The following MCTP2 variants were observed in gnomAD, a reference collection of about 807,000 sequenced individuals.
MCTP2 encodes multiple C2 and transmembrane domain-containing protein 2.
In MCTP2, 132 loss-of-function variants were observed where a neutral mutation model predicts 111.6. That is an observed-to-expected ratio of 1.18 (90% CI 1.03 to 1.37). MCTP2 has a LOEUF of 1.37. Among genes scored for constraint, MCTP2 ranks in the 40% most tolerant of loss-of-function variants. The probability of loss-of-function intolerance (pLI) is 0.00; values close to 1 mark genes in which losing one functional copy is unlikely to be tolerated. For missense variants in MCTP2, 1,183 were observed against 1,067.9 expected (o/e 1.11, Z -1.50); for synonymous variants, 395 against 387.7 (o/e 1.02, Z -0.22).
chr15:94,404,499 G>A (rs571653928), intron 17 of MCTP2, among the ~76,000 whole-genome samples: 10 of 151,798 alleles, frequency 6.6e-5, no homozygotes, highest in South Asian at 2.1e-4. Flanking sequence ...ACGGGGTTTC[G>A]TCATATTGGC....
At chr15:94,360,025 A>T (rs562945674) in intron 10 of MCTP2, among the ~76,000 whole-genome samples, 45 of 152,162 alleles carry the variant, frequency 3.0e-4, no homozygotes, top group Admixed American at 3.9e-4. Flanking sequence ...TTCCTTGATT[A>T]TTGTGTGGAA....
intron 1 of MCTP2, among the ~76,000 whole-genome samples, chr15:94,262,945 A>G (rs952799902): frequency 3.3e-5 from 5 of 152,182 alleles, no homozygotes; most frequent in Non-Finnish European, 7.4e-5. Context: ...TGCCGGGATT[A>G]CAGGTGTGTG....
At chr15:94,377,308 A>T in intron 12 of MCTP2, among the ~76,000 whole-genome samples, 1 of 152,236 alleles carries the variant, frequency 6.6e-6, no homozygotes, top group East Asian at 1.9e-4. Flanking sequence ...GTCGTGATTG[A>T]ACGTTTTTAA....
At chr15:94,253,374 C>T (rs1170138339) in intron 1 of MCTP2, among the ~76,000 whole-genome samples, 1 of 152,160 alleles carries the variant, frequency 6.6e-6, no homozygotes, top group East Asian at 1.9e-4. Context: ...CACCATATTA[C>T]CTCTGGCCTA....
In MCTP2 at chr15:94,390,725, CT is replaced by C. The variant is rs777312969; in HGVS notation, c.1788+5222del. 4.3e-3 allele frequency among the ~76,000 whole-genome samples: 486 copies of C among 112,914 alleles called. 2 individuals are homozygous for C. The highest frequency in any genetic ancestry group is 0.014 in the Middle Eastern group (2 of 140). The allele number at this position is 112,914 out of a possible 152,430, so 74.1% of individuals were successfully genotyped here. On this transcript the variant is annotated intron_variant, in intron 14 of 22. Coordinates refer to ENST00000357742, the MANE Select transcript of MCTP2 (RefSeq NM_001385001.1). ...GAAGACCTGCAATTTCTTTTCTTTTCTTTTTTTTTTTTTTTTTTTTTTGGGA... is the reference window on the plus strand; with the variant it reads ...GAAGACCTGCAATTTCTTTTCTTTTCTTTTTTTTTTTTTTTTTTTTTGGGA...
chr15:94,455,666 C>A (rs1015153080), intron 19 of MCTP2, among the ~76,000 whole-genome samples: 1 of 152,090 alleles, frequency 6.6e-6, no homozygotes, highest in African/African-American at 2.4e-5. Context: ...ACCTCGTTAT[C>A]TGCCCGCCTT....
intron 1 of MCTP2, among the ~76,000 whole-genome samples, chr15:94,252,575 GAC>G (rs2072506789): frequency 6.6e-6 from 1 of 151,906 alleles, no homozygotes; most frequent in African/African-American, 2.4e-5. Context: ...CTCATGAGGT[GAC>G]ACAGAGTGGA....
At chr15:94,365,834 G>C (rs575576771) in intron 10 of MCTP2, among the ~76,000 whole-genome samples, 1 of 152,134 alleles carries the variant, frequency 6.6e-6, no homozygotes, top group Non-Finnish European at 1.5e-5. Context: ...GTATTAAAAA[G>C]AATGTGCCAT....
intron 17 of MCTP2, among the ~76,000 whole-genome samples, chr15:94,438,123 G>A (rs917596504): frequency 4.6e-5 from 7 of 151,976 alleles, no homozygotes; most frequent in Non-Finnish European, 1.0e-4. Context: ...ATTTGATTAC[G>A]TAAAACCACT....
rs1219719334 is a variant in MCTP2 at position 94,479,959 on chromosome 15, G to A, written c.*925G>A. On this transcript the variant is annotated 3_prime_UTR_variant, in exon 23 of 23. Coordinates refer to ENST00000357742, the MANE Select transcript of MCTP2 (RefSeq NM_001385001.1). ...TTATAATCATTTCATTTGCCTGAAT[G>A]TTTTAAGCAGGAAGTAGAAATACTT... 1.3e-5 allele frequency: 2 copies of A among 152,130 alleles called. No homozygotes were observed. Among genetic ancestry groups the A allele is most frequent in the Admixed American group, 6.6e-5 (1 of 15,264 alleles). 9.4% of individuals were successfully genotyped at this position (152,130 alleles called of 1,614,324 possible).
At chr15:94,272,981 T>C (rs957900614) in intron 1 of MCTP2, among the ~76,000 whole-genome samples, 1 of 152,224 alleles carries the variant, frequency 6.6e-6, no homozygotes, top group Non-Finnish European at 1.5e-5. Flanking sequence ...AATGTGGCTT[T>C]TCCAGCTGGA....
At chr15:94,469,296 C>T (rs1329707028) in intron 20 of MCTP2, among the ~76,000 whole-genome samples, 3 of 152,178 alleles carry the variant, frequency 2.0e-5, no homozygotes, top group Non-Finnish European at 4.4e-5. Flanking sequence ...TAGGAATGCA[C>T]ATGAATCTCT....
intron 12 of MCTP2, among the ~76,000 whole-genome samples, chr15:94,373,780 T>C (rs2079609227): frequency 1.3e-5 from 2 of 152,194 alleles, no homozygotes; most frequent in South Asian, 4.1e-4. Context: ...TCAAATGTTT[T>C]TTAAAGAATT....
chr15:94,367,621 T>C lies in MCTP2; in HGVS notation c.1318T>C (p.Ser440Pro). Residue 440 changes from serine (S) to proline (P), a missense_variant, in exon 11 of 23, where the codon TCG (serine) becomes CCG (proline). Ser to Pro is a moderately conservative substitution (Grantham distance 74, BLOSUM62 -1). Transcript: ENST00000357742. The stretch of plus-strand genomic sequence containing the variant: ...CTTTTCTAGGTGTAAAGTGGATATC[T>C]CGGCACTCCCTCTGAAGCAAGCCAA... ...ERLGTCKVDI[S>P]ALPLKQANCL... is the part of the protein sequence containing the mutation. 1 of 1,611,338 alleles carries C rather than the reference T, an allele frequency of 6.2e-7. No individual in the cohort carries two copies. The highest frequency in any genetic ancestry group is 8.5e-7 in the Non-Finnish European group (1 of 1,178,750).
At chr15:94,263,856 G>T (rs1384017230) in intron 1 of MCTP2, among the ~76,000 whole-genome samples, 1 of 152,234 alleles carries the variant, frequency 6.6e-6, no homozygotes, top group Non-Finnish European at 1.5e-5. Context: ...GAGTATACCA[G>T]TTCACAAATG....
chr15:94,476,507 A>G (rs915479418), intron 21 of MCTP2, 189 bp from the exon 22 acceptor site: 7 of 454,892 alleles, frequency 1.5e-5, no homozygotes, highest in Admixed American at 3.8e-5. Flanking sequence ...GAGGTCTGGT[A>G]ATTGTTTTCA....
At chr15:94,457,875 TG>T (rs1596785233) in intron 19 of MCTP2, among the ~76,000 whole-genome samples, 1 of 152,062 alleles carries the variant, frequency 6.6e-6, no homozygotes, top group East Asian at 1.9e-4. Context: ...GGAAGTGAAG[TG>T]CTTGGTTCTG....
intron 1 of MCTP2, among the ~76,000 whole-genome samples, chr15:94,257,829 C>A (rs2072921132): frequency 6.7e-6 from 1 of 149,832 alleles, no homozygotes; most frequent in Admixed American, 6.6e-5. Context: ...TTGTGATCTG[C>A]CCTCCTCGGC....
intron 17 of MCTP2, among the ~76,000 whole-genome samples, chr15:94,435,629 CTTTTTTTTTTTTTT>C (rs202170550): frequency 8.5e-6 from 1 of 117,922 alleles, no homozygotes; most frequent in Non-Finnish European, 1.8e-5. Context: ...TTTTTTTATT[CTTTTTTTTTTTTTT>C]TTTTTTGAGA....
Sources: allele counts gnomAD v4.1 joint callset (sites outside exome capture counted in the v4.1 genomes callset), GRCh38; gene constraint gnomAD v4.1.1; transcripts MANE v1.5; gene names NCBI Gene and HGNC (gene_info 2026-07-23, HGNC 2026-07-21).